FAM135A: variants seen among roughly 807,000 people sequenced by gnomAD.
FAM135A encodes family with sequence similarity 135 member A.
Under a neutral mutation model 146.8 loss-of-function variants are expected in FAM135A, and 79 were observed. That is an observed-to-expected ratio of 0.54 (90% CI 0.45 to 0.65). The LOEUF is 0.65. FAM135A is among the 30% of genes least tolerant of loss of function. FAM135A has a pLI of 0.00. For missense variants in FAM135A, 1,623 were observed against 1,758.2 expected, an observed-to-expected ratio of 0.92 and a Z score of 1.38; for synonymous variants, 562 against 603.6, an observed-to-expected ratio of 0.93 and a Z score of 1.01.
chr6:70,558,359 G>A (rs1324702034), intron 21 of FAM135A, among the ~76,000 whole-genome samples: 3 of 152,290 alleles, frequency 2.0e-5, no homozygotes, highest in African/African-American at 7.2e-5. Context: ...CACGTTCCAT[G>A]GACACTGTTA....
chr6:70,521,476 T>G (rs1561962623), intron 12 of FAM135A, among the ~76,000 whole-genome samples: 1 of 152,232 alleles, frequency 6.6e-6, no homozygotes, highest in Non-Finnish European at 1.5e-5. Flanking sequence ...CATTGATATC[T>G]TCTTTTCCCA....
chr6:70,494,176 T>C (rs1328393668), intron 11 of FAM135A, among the ~76,000 whole-genome samples: 3 of 152,140 alleles, frequency 2.0e-5, no homozygotes, highest in Admixed American at 6.5e-5. Flanking sequence ...TTTTGCTTTA[T>C]GTATATAATT....
intron 8 of FAM135A, among the ~76,000 whole-genome samples, chr6:70,477,930 A>G (rs558919816): frequency 1.3e-5 from 2 of 152,298 alleles, no homozygotes; most frequent in East Asian, 3.9e-4. Context: ...TAACAAAGAA[A>G]AAATACCATC....
intron 11 of FAM135A, among the ~76,000 whole-genome samples, chr6:70,499,534 T>A: frequency 6.6e-6 from 1 of 152,220 alleles, no homozygotes; most frequent in East Asian, 1.9e-4. Flanking sequence ...TGATACTAGC[T>A]GGTTATTTTG....
At chr6:70,491,153 T>G in intron 11 of FAM135A, 70 bp downstream of exon 11, 1 of 1,295,992 alleles carries the variant, frequency 7.7e-7, no homozygotes, top group South Asian at 1.3e-5. Flanking sequence ...CTAAATATTT[T>G]GTCTATGAAA....
Position 70,524,019 on chromosome 6 carries a change from A to G in FAM135A, c.1156A>G (p.Ser386Gly). 1 of 1,613,178 alleles carries G rather than the reference A, an allele frequency of 6.2e-7. No individual in the cohort carries two copies. Among genetic ancestry groups the G allele is most frequent in the South Asian group, 1.1e-5 (1 of 90,940 alleles). The change falls in exon 14 of 22, where the codon AGT becomes GGT. Residue 386 changes from serine (S) to glycine (G), a missense_variant. Ser to Gly is a moderately conservative substitution (Grantham distance 56, BLOSUM62 0). Transcript: ENST00000418814. The stretch of plus-strand genomic sequence containing the variant: ...CGCTATCAAAAATACTTCCTTCTGC[A>G]GTTCTCTTCCACCCTTACCTATTGA... Reference protein sequence around the residue: ...CTAIKNTSFCSSLPPLPIECS... With the variant: ...CTAIKNTSFCGSLPPLPIECS...
At chr6:70,552,872 A>G (rs1021814958) in intron 20 of FAM135A, among the ~76,000 whole-genome samples, 1 of 152,174 alleles carries the variant, frequency 6.6e-6, no homozygotes, top group African/African-American at 2.4e-5. Context: ...TTCAGGAGCC[A>G]CTTACAGAAT....
intron 12 of FAM135A, among the ~76,000 whole-genome samples, chr6:70,520,823 T>G (rs1406301430): frequency 6.6e-6 from 1 of 152,176 alleles, no homozygotes; most frequent in East Asian, 1.9e-4. Flanking sequence ...TACCCTTAGT[T>G]GTAATAGCTA....
intron 12 of FAM135A, among the ~76,000 whole-genome samples, chr6:70,515,687 T>G (rs905453024): frequency 6.6e-6 from 1 of 152,080 alleles, no homozygotes; most frequent in African/African-American, 2.4e-5. Context: ...ATGGTATATA[T>G]ATGTCATTAT....
At chr6:70,456,909 A>G (rs1482865699) in intron 5 of FAM135A, among the ~76,000 whole-genome samples, 2 of 152,200 alleles carry the variant, frequency 1.3e-5, no homozygotes, top group Admixed American at 6.5e-5. Flanking sequence ...CAGTTCAGTC[A>G]GGAGCACCCT....
chr6:70,495,767 C>T (rs912680597), intron 11 of FAM135A, among the ~76,000 whole-genome samples: 1 of 152,086 alleles, frequency 6.6e-6, no homozygotes, highest in African/African-American at 2.4e-5. Context: ...AGGTATTTTT[C>T]ATAATGCTAT....
intron 18 of FAM135A, among the ~76,000 whole-genome samples, chr6:70,535,249 G>C (rs1240931736): frequency 6.6e-6 from 1 of 152,174 alleles, no homozygotes; most frequent in Non-Finnish European, 1.5e-5. Context: ...CCAGTGTTTA[G>C]ACAGCTCTCA....
intron 11 of FAM135A, among the ~76,000 whole-genome samples, chr6:70,495,603 C>CACACAT (rs1328713009): frequency 1.3e-5 from 2 of 152,104 alleles, no homozygotes; most frequent in African/African-American, 4.8e-5. Flanking sequence ...GGGATACACA[C>CACACAT]ACACATACAC....
intron 5 of FAM135A, among the ~76,000 whole-genome samples, chr6:70,457,575 C>G (rs1261418001): frequency 3.3e-5 from 5 of 152,120 alleles, no homozygotes; most frequent in Non-Finnish European, 4.4e-5. Flanking sequence ...TCAGTCCCTT[C>G]TTTGTCTTTT....
intron 5 of FAM135A, among the ~76,000 whole-genome samples, chr6:70,454,947 T>C (rs891795799): frequency 3.9e-5 from 6 of 152,196 alleles, no homozygotes; most frequent in Non-Finnish European, 7.3e-5. Context: ...TTTAAAGTAG[T>C]TTTTTCCAAT....
At chr6:70,514,295 T>G (rs180713757) in intron 12 of FAM135A, among the ~76,000 whole-genome samples, 1 of 152,282 alleles carries the variant, frequency 6.6e-6, no homozygotes, top group East Asian at 1.9e-4. Flanking sequence ...AAATTTCACT[T>G]CAGATATTAT....
At chr6:70,485,902 T>C (rs1242200405) in intron 10 of FAM135A, among the ~76,000 whole-genome samples, 1 of 152,232 alleles carries the variant, frequency 6.6e-6, no homozygotes, top group African/African-American at 2.4e-5. Context: ...GGGAGTTAAC[T>C]CTGAGATCCC....
rs149618880 is a variant in FAM135A, at chr6:70,473,308, A to G, written c.158-2102A>G. ...AAGCTGTGGATCCTTTTAGTGGAGG[A>G]TAGTACTAAAGACTAACATTTGTGG... On this transcript the variant is annotated intron_variant, in intron 5 of 21. Coordinates refer to ENST00000418814, the MANE Select transcript of FAM135A (RefSeq NM_001162529.3). Among the ~76,000 whole-genome samples, 3 of 152,314 alleles carry G rather than the reference A, an allele frequency of 2.0e-5. No homozygotes were observed. The East Asian group carries it at 5.8e-4, about 29-fold the overall frequency.
intron 12 of FAM135A, among the ~76,000 whole-genome samples, chr6:70,517,805 C>T (rs1263180062): frequency 1.3e-5 from 2 of 152,132 alleles, no homozygotes; most frequent in African/African-American, 2.4e-5. Context: ...TTTTGAAGCA[C>T]CACAGTTGTG....
Sources: allele counts gnomAD v4.1 joint callset (sites outside exome capture counted in the v4.1 genomes callset), GRCh38; gene constraint gnomAD v4.1.1; transcripts MANE v1.5; gene names NCBI Gene and HGNC (gene_info 2026-07-23, HGNC 2026-07-21).